The following ATP2B2 variants were observed in gnomAD, a reference collection of about 807,000 sequenced individuals.
ATP2B2 encodes the protein ATPase plasma membrane Ca2+ transporting 2.
In ATP2B2, 15 loss-of-function variants were observed where a neutral mutation model predicts 120.0. That is an observed-to-expected ratio of 0.12 (90% CI 0.08 to 0.19). The LOEUF (loss-of-function observed/expected upper bound fraction) is 0.19. Among genes scored for constraint, ATP2B2 ranks in the 10% least tolerant of loss-of-function variants. The pLI, the probability that ATP2B2 is intolerant of heterozygous loss-of-function variation, is 1.00. For missense variants in ATP2B2, 1,045 were observed against 1,719.8 expected, an observed-to-expected ratio of 0.61 and a Z score of 6.94; for synonymous variants, 694 against 700.3, an observed-to-expected ratio of 0.99 and a Z score of 0.14.
At chr3:10,689,382 T>C (rs1028733084) in intron 1 of ATP2B2, among the ~76,000 whole-genome samples, 2 of 152,174 alleles carry the variant, frequency 1.3e-5, no homozygotes, top group Non-Finnish European at 2.9e-5. Context: ...TTTCACAGAA[T>C]TGGCAGTAAA....
At chr3:10,600,154 G>T (rs2068868858) in intron 2 of ATP2B2, among the ~76,000 whole-genome samples, 1 of 152,248 alleles carries the variant, frequency 6.6e-6, no homozygotes. Flanking sequence ...CCCTCTACTA[G>T]CTCTGCCCTG....
At chr3:10,651,519 G>A (rs1438230140) in intron 1 of ATP2B2, among the ~76,000 whole-genome samples, 1 of 152,198 alleles carries the variant, frequency 6.6e-6, no homozygotes, top group East Asian at 1.9e-4. Context: ...CAGCCACATG[G>A]AACTGTAAGT....
At chr3:10,657,008 GT>G (rs924573066) in intron 1 of ATP2B2, among the ~76,000 whole-genome samples, 154 of 151,770 alleles carry the variant, frequency 1.0e-3, no homozygotes, top group African/African-American at 3.3e-3. Context: ...AGGGGTTTGG[GT>G]TTTTTTTTCC....
chr3:10,700,095 G>GA (rs2071794835), intron 1 of ATP2B2, among the ~76,000 whole-genome samples: 2 of 152,134 alleles, frequency 1.3e-5, no homozygotes, highest in African/African-American at 4.8e-5. Context: ...CAATCTTCCT[G>GA]AAAGTCATGT....
At chr3:10,392,081 A>G (rs2061870642) in intron 5 of ATP2B2, among the ~76,000 whole-genome samples, 2 of 151,916 alleles carry the variant, frequency 1.3e-5, no homozygotes. Flanking sequence ...AATCACCTGA[A>G]GTCTCCTCTG....
At chr3:10,431,629 C>A (rs1006792562) in intron 2 of ATP2B2, among the ~76,000 whole-genome samples, 3 of 152,104 alleles carry the variant, frequency 2.0e-5, no homozygotes, top group Non-Finnish European at 4.4e-5. Context: ...AATATGCAAG[C>A]CCCATGAGGG....
At chr3:10,471,424 G>A (rs762021930) in intron 1 of ATP2B2, among the ~76,000 whole-genome samples, 7 of 151,914 alleles carry the variant, frequency 4.6e-5, no homozygotes, top group South Asian at 2.1e-4. Context: ...GTGTGCGTGC[G>A]TGTGCATGTG....
chr3:10,381,956 A>G (rs1315178958), intron 8 of ATP2B2, among the ~76,000 whole-genome samples: 1 of 133,156 alleles, frequency 7.5e-6, no homozygotes, highest in East Asian at 2.9e-4. Context: ...CTGTGCCTCC[A>G]TTTTCTCCTC....
At chr3:10,630,843 G>C (rs1010085494) in intron 1 of ATP2B2, among the ~76,000 whole-genome samples, 2 of 151,718 alleles carry the variant, frequency 1.3e-5, no homozygotes, top group Non-Finnish European at 2.9e-5. Context: ...AGTTTGTGGC[G>C]GGGGGGTGGG....
chr3:10,340,431 G>T lies in ATP2B2; in HGVS notation c.3129+62C>A. ...CAGAGGGCTGGGCTCTCAGGGTCCT[G>T]CCCAGGGGCTCCAGCCGCTTGCTGC... is the stretch of plus-strand genomic sequence containing the variant. On this transcript the variant is annotated intron_variant, in intron 20 of 22. Transcript: ENST00000360273. The surrounding 1 kb of genome is among the most constrained non-coding windows in gnomAD (Gnocchi z 5.0). The T allele has an allele frequency of 6.2e-7, 1 of 1,613,404 alleles. No homozygotes were observed. Among genetic ancestry groups the T allele is most frequent in the East Asian group, 2.2e-5 (1 of 44,864 alleles).
chr3:10,332,643 G>C (rs1222044610), intron 22 of ATP2B2, among the ~76,000 whole-genome samples: 2 of 152,184 alleles, frequency 1.3e-5, no homozygotes. Context: ...CGTGGGCACT[G>C]GTTCCGGAAT....
At chr3:10,374,203 G>C (rs969300983) in intron 11 of ATP2B2, among the ~76,000 whole-genome samples, 1 of 152,226 alleles carries the variant, frequency 6.6e-6, no homozygotes, top group Non-Finnish European at 1.5e-5. Context: ...CCCGGGCTCA[G>C]TGAAGTGGCT....
intron 1 of ATP2B2, among the ~76,000 whole-genome samples, chr3:10,625,357 G>A (rs1421523190): frequency 6.6e-6 from 1 of 152,180 alleles, no homozygotes; most frequent in Non-Finnish European, 1.5e-5. Context: ...AGAAGGTGAG[G>A]GGTGGTGGAG....
At chr3:10,406,154 G>A (rs573311970) in intron 3 of ATP2B2, among the ~76,000 whole-genome samples, 1 of 152,236 alleles carries the variant, frequency 6.6e-6, no homozygotes, top group South Asian at 2.1e-4. Flanking sequence ...GGACTCAAAC[G>A]AGGGCTCCTG....
chr3:10,535,775 A>G (rs1345284435), intron 2 of ATP2B2, among the ~76,000 whole-genome samples: 1 of 152,196 alleles, frequency 6.6e-6, no homozygotes, highest in African/African-American at 2.4e-5. Context: ...AATCAGTGAA[A>G]GGACATCTGT....
At chr3:10,443,659 A>G (rs192754091) in intron 2 of ATP2B2, among the ~76,000 whole-genome samples, 7 of 152,314 alleles carry the variant, frequency 4.6e-5, no homozygotes, top group African/African-American at 1.7e-4. Context: ...ACAGCATTTG[A>G]GGTCCTGGAG....
At chr3:10,527,826 G>A (rs759542426) in intron 3 of ATP2B2, among the ~76,000 whole-genome samples, 13 of 152,292 alleles carry the variant, frequency 8.5e-5, no homozygotes, top group African/African-American at 2.4e-4. Flanking sequence ...CTGACTGCTC[G>A]GCTCCAGCAC....
chr3:10,548,934 A>G (rs1259515782), intron 2 of ATP2B2, among the ~76,000 whole-genome samples: 1 of 152,240 alleles, frequency 6.6e-6, no homozygotes, highest in Non-Finnish European at 1.5e-5. Flanking sequence ...AGGAAGATGG[A>G]ACTAAGAGTG....
intron 1 of ATP2B2, among the ~76,000 whole-genome samples, chr3:10,700,909 G>A (rs1204738258): frequency 6.6e-6 from 1 of 152,186 alleles, no homozygotes; most frequent in Non-Finnish European, 1.5e-5. Context: ...ACAGCATGGT[G>A]GTTATTAAAG....
Sources: allele counts gnomAD v4.1 joint callset (sites outside exome capture counted in the v4.1 genomes callset), GRCh38; gene constraint gnomAD v4.1.1; non-coding constraint Gnocchi (gnomAD v3.1); transcripts MANE v1.5; gene names NCBI Gene and HGNC (gene_info 2026-07-23, HGNC 2026-07-21).